ARAP2: variants seen among roughly 807,000 people sequenced by gnomAD.
The protein encoded by ARAP2 is arf-GAP with Rho-GAP domain, ANK repeat and PH domain-containing protein 2.
In ARAP2, 148 loss-of-function variants were observed where a neutral mutation model predicts 194.5. The ratio of observed to expected loss-of-function variants is 0.76; its 90% confidence interval spans 0.67 to 0.87. The LOEUF is 0.87. ARAP2 is among the 40% of genes least tolerant of loss of function. The pLI is 0.00. For missense variants in ARAP2, 2,128 were observed against 1,989.7 expected (o/e 1.07, Z -1.32); for synonymous variants, 695 against 683.5 (o/e 1.02, Z -0.26).
At chr4:36,022,536 A>C (rs181001087) in intron 5 of ARAP2, among the ~76,000 whole-genome samples, 1 of 152,108 alleles carries the variant, frequency 6.6e-6, no homozygotes, top group Non-Finnish European at 1.5e-5. Flanking sequence ...TTACATTTAC[A>C]TGAAGGTGAA....
At chr4:36,094,827 A>C (rs1714739234) in intron 27 of ARAP2, among the ~76,000 whole-genome samples, 1 of 152,134 alleles carries the variant, frequency 6.6e-6, no homozygotes. Context: ...AATTAATATA[A>C]TTTTATAGAT....
intron 5 of ARAP2, among the ~76,000 whole-genome samples, chr4:36,030,797 G>GTTTTTT (rs34777330): frequency 6.2e-5 from 1 of 16,082 alleles, no homozygotes; most frequent in African/African-American, 1.0e-4. Flanking sequence ...CATTGTCTAC[G>GTTTTTT]TTTTTTTTTT....
At chr4:36,184,009 G>C (rs1469942066) in intron 8 of ARAP2, among the ~76,000 whole-genome samples, 2 of 152,008 alleles carry the variant, frequency 1.3e-5, no homozygotes, top group African/African-American at 4.8e-5. Flanking sequence ...CTTTAATTTT[G>C]CTTCTTCACT....
chr4:36,236,663 C>G (rs575802477), intron 1 of ARAP2, among the ~76,000 whole-genome samples: 1 of 152,174 alleles, frequency 6.6e-6, no homozygotes, highest in African/African-American at 2.4e-5. Context: ...ACAAGTCTTA[C>G]AAATTTCCAT....
chr4:36,240,894 G>A (rs1753381552), intron 1 of ARAP2, among the ~76,000 whole-genome samples: 1 of 152,156 alleles, frequency 6.6e-6, no homozygotes, highest in Non-Finnish European at 1.5e-5. Context: ...CCTTTACTTA[G>A]TATAAGAACA....
At chr4:36,148,040 T>C (rs547427611) in intron 17 of ARAP2, among the ~76,000 whole-genome samples, 1 of 152,266 alleles carries the variant, frequency 6.6e-6, no homozygotes, top group East Asian at 1.9e-4. Flanking sequence ...ACCTTCAGCA[T>C]TTTTCTCCAT....
Position 36,163,588 on chromosome 4 carries a change from G to C in ARAP2, c.2173+1326C>G, listed in dbSNP as rs149334115. ...TAATATCTTGTCTATGAAAGAAAAAGGGGACAGAGAATGACACATAGAAGG... is the reference window on the plus strand; with the variant it reads ...TAATATCTTGTCTATGAAAGAAAAACGGGACAGAGAATGACACATAGAAGG... On this transcript the variant is annotated intron_variant, in intron 11 of 32. Coordinates refer to ENST00000303965, the MANE Select transcript of ARAP2 (RefSeq NM_015230.4). Among the ~76,000 whole-genome samples the C allele has an allele frequency of 8.9e-4, 135 of 152,256 alleles. 2 individuals carry two copies. Among genetic ancestry groups the C allele is most frequent in the African/African-American group, 3.0e-3 (125 of 41,546 alleles).
chr4:36,147,238 C>A (rs1729845850), intron 19 of ARAP2, 58 bp downstream of exon 19: 1 of 1,503,460 alleles, frequency 6.7e-7, no homozygotes, highest in Non-Finnish European at 9.1e-7. Context: ...TAACAAAAAA[C>A]AAAATCCCGC....
chr4:36,189,682 G>A (rs1295506552), intron 7 of ARAP2, among the ~76,000 whole-genome samples: 5 of 152,014 alleles, frequency 3.3e-5, no homozygotes, highest in East Asian at 3.9e-4. Flanking sequence ...TGTTCCTGCC[G>A]TATTTCACTT....
chr4:36,185,372 G>C (rs1286204378), intron 8 of ARAP2, among the ~76,000 whole-genome samples: 1 of 151,926 alleles, frequency 6.6e-6, no homozygotes, highest in Admixed American at 6.6e-5. Context: ...TTTCTGTTTG[G>C]GGTTTGTCTT....
chr4:36,203,909 C>T (rs922132502), intron 6 of ARAP2, among the ~76,000 whole-genome samples: 1 of 151,142 alleles, frequency 6.6e-6, no homozygotes, highest in East Asian at 1.9e-4. Flanking sequence ...TACAGGAAAG[C>T]GTCAAAAAAA....
At chr4:36,188,381 G>GTAAA (rs1242894008) in intron 7 of ARAP2, among the ~76,000 whole-genome samples, 2 of 152,092 alleles carry the variant, frequency 1.3e-5, no homozygotes, top group Non-Finnish European at 2.9e-5. Flanking sequence ...TTAAAACTGG[G>GTAAA]TAAAAACTAA....
chr4:36,177,716 A>G lies in ARAP2; in HGVS notation c.1857+111T>C, dbSNP rs1738286713. On this transcript the variant is annotated intron_variant, in intron 9 of 32. Coordinates refer to ENST00000303965, the MANE Select transcript of ARAP2 (RefSeq NM_015230.4). The stretch of plus-strand genomic sequence containing the variant: ...CTTTGGTATATTTAGTGGAGTACAC[A>G]ATGCTAAAACAAGACTCTATAAGTA... The G allele has an allele frequency of 3.5e-6, 4 of 1,132,202 alleles. No individual in the cohort carries two copies. The East Asian group carries it at 1.0e-4, about 29-fold the overall frequency. 70.1% of individuals were successfully genotyped at this position (1,132,202 alleles called of 1,614,324 possible).
At chr4:36,094,608 G>GGT (rs1714685852) in intron 27 of ARAP2, among the ~76,000 whole-genome samples, 1 of 152,146 alleles carries the variant, frequency 6.6e-6, no homozygotes, top group African/African-American at 2.4e-5. Flanking sequence ...GAACACAACA[G>GGT]AAAGGGAAAA....
intron 28 of ARAP2, among the ~76,000 whole-genome samples, chr4:36,088,941 A>G (rs1276106922): frequency 1.3e-5 from 2 of 152,136 alleles, no homozygotes; most frequent in Non-Finnish European, 2.9e-5. Context: ...GAATTTTATA[A>G]TTCAATATTT....
intron 19 of ARAP2, among the ~76,000 whole-genome samples, chr4:36,135,287 A>T (rs1245975625): frequency 1.3e-5 from 2 of 151,756 alleles, no homozygotes; most frequent in Admixed American, 1.3e-4. Context: ...CATTTCTGAT[A>T]ATCACTGTAC....
At chr4:36,156,580 G>A (rs1238138846) in intron 15 of ARAP2, among the ~76,000 whole-genome samples, 1 of 152,096 alleles carries the variant, frequency 6.6e-6, no homozygotes, top group Non-Finnish European at 1.5e-5. Context: ...GGAAGCTAGG[G>A]TAAATACAGA....
intron 2 of ARAP2, among the ~76,000 whole-genome samples, chr4:36,052,443 T>C (rs536847068): frequency 1.3e-5 from 2 of 152,346 alleles, no homozygotes; most frequent in African/African-American, 4.8e-5. Context: ...TTCAGTATTA[T>C]GAACAGTAGC....
At chr4:36,155,462 A>G (rs545160305) in intron 15 of ARAP2, among the ~76,000 whole-genome samples, 32 of 152,210 alleles carry the variant, frequency 2.1e-4, no homozygotes, top group African/African-American at 6.7e-4. Context: ...CCCTCTTTGC[A>G]TAGGGAACAG....
Sources: gnomAD v4.1 joint callset for allele counts (sites outside exome capture counted in the v4.1 genomes callset) on GRCh38, gnomAD v4.1.1 for gene constraint, MANE v1.5 for transcripts, NCBI Gene and HGNC (gene_info 2026-07-23, HGNC 2026-07-21) for gene names.